Variants in MTUS2 observed in about 807,000 individuals in gnomAD.
The protein encoded by MTUS2 is microtubule-associated tumor suppressor candidate 2.
MTUS2 carries 40 observed loss-of-function variants against 114.1 expected under a neutral mutation model. The observed-to-expected ratio is 0.35, with a 90% confidence interval of 0.27 to 0.46. The LOEUF is 0.46. MTUS2 is among the 20% of genes least tolerant of loss of function. The pLI, the probability that MTUS2 is intolerant of heterozygous loss-of-function variation, is 1.00. For missense variants in MTUS2, 1,679 were observed against 1,705.4 expected (o/e 0.98, Z 0.27); for synonymous variants, 688 against 672.0 (o/e 1.02, Z -0.37).
At chr13:28,952,906 G>C (rs963335999) in intron 2 of MTUS2, among the ~76,000 whole-genome samples, 2 of 152,010 alleles carry the variant, frequency 1.3e-5, no homozygotes, top group African/African-American at 4.8e-5. Flanking sequence ...CATTCTTTTT[G>C]TACTGGTATT....
rs141300314 is a variant in MTUS2, at chr13:29,257,405, T to G, written c.2645-24299T>G. Among the ~76,000 whole-genome samples the G allele has an allele frequency of 3.1e-4, 47 of 152,346 alleles. No individual in the cohort carries two copies. The East Asian group carries it at 8.5e-3, about 28-fold the overall frequency. ...TTCCTAGAATAGTTTCCTGTGGTTT[T>G]GATGCCTGAGCTGGATTTTAATGAA... is the stretch of plus-strand genomic sequence containing the variant. On this transcript the variant is annotated intron_variant, in intron 5 of 15. Transcript: ENST00000612955.
intron 5 of MTUS2, among the ~76,000 whole-genome samples, chr13:29,175,774 C>T (rs199899829): frequency 1.3e-5 from 2 of 149,154 alleles, no homozygotes; most frequent in African/African-American, 2.5e-5. Context: ...AATAGGTTTT[C>T]TTTTTTTTTT....
At chr13:29,389,698 T>C (rs1426512169) in intron 8 of MTUS2, among the ~76,000 whole-genome samples, 6 of 141,874 alleles carry the variant, frequency 4.2e-5, no homozygotes, top group Admixed American at 7.0e-5. Context: ...TATATATGTG[T>C]ATATGTGTAT....
chr13:29,142,974 A>G (rs1892287631), intron 5 of MTUS2, among the ~76,000 whole-genome samples: 1 of 152,348 alleles, frequency 6.6e-6, no homozygotes, highest in South Asian at 2.1e-4. Context: ...TCTGGTTATG[A>G]AATAACAAAC....
intron 7 of MTUS2, 93 bp from the exon 8 acceptor site, chr13:29,359,169 C>A: frequency 8.2e-7 from 1 of 1,216,382 alleles, no homozygotes; most frequent in Non-Finnish European, 1.1e-6. Context: ...TTCTCTACCA[C>A]TTGAAGAACT....
intron 8 of MTUS2, among the ~76,000 whole-genome samples, chr13:29,410,320 T>G (rs2138542696): frequency 6.6e-6 from 1 of 152,278 alleles, no homozygotes; most frequent in African/African-American, 2.4e-5. Flanking sequence ...AGAGATGGGA[T>G]TTCACCATGT....
At chr13:29,385,797 G>A (rs1872594131) in intron 8 of MTUS2, among the ~76,000 whole-genome samples, 1 of 152,152 alleles carries the variant, frequency 6.6e-6, no homozygotes, top group African/African-American at 2.4e-5. Context: ...TTTCTTGTTT[G>A]CCAAAATGGA....
intron 5 of MTUS2, among the ~76,000 whole-genome samples, chr13:29,247,765 G>A (rs1345421293): frequency 1.3e-5 from 2 of 152,196 alleles, no homozygotes; most frequent in Non-Finnish European, 2.9e-5. Flanking sequence ...TGTTAACATG[G>A]ATGTGTGAAA....
chr13:29,000,378 T>G (rs1885328908), intron 2 of MTUS2, among the ~76,000 whole-genome samples: 1 of 152,184 alleles, frequency 6.6e-6, no homozygotes, highest in African/African-American at 2.4e-5. Flanking sequence ...TTCTTTTTTA[T>G]TGAGTTGGAG....
At position 28,992,305 on chromosome 13, in the gene MTUS2, A is replaced by G. The variant is rs1024891240; in HGVS notation, c.-242-32152A>G. ...GGGAAAACAGAAGAAAGACATTGCT[A>G]TTTCAACAAATGTTTTTTCCATGGT... On this transcript the variant is annotated intron_variant, in intron 2 of 15. Transcript: ENST00000612955. Among the ~76,000 whole-genome samples the G allele has an allele frequency of 1.3e-4, 20 of 152,214 alleles. 1 individual carries two copies. Among genetic ancestry groups the G allele is most frequent in the Non-Finnish European group, 1.5e-5 (1 of 68,040 alleles).
intron 5 of MTUS2, among the ~76,000 whole-genome samples, chr13:29,228,129 A>G (rs546368658): frequency 1.3e-5 from 2 of 152,342 alleles, no homozygotes; most frequent in Admixed American, 6.5e-5. Context: ...AATGATATTT[A>G]TGACCACATG....
chr13:28,972,529 T>G (rs1271912150), intron 2 of MTUS2, among the ~76,000 whole-genome samples: 1 of 152,126 alleles, frequency 6.6e-6, no homozygotes, highest in Non-Finnish European at 1.5e-5. Context: ...CAAAACAATC[T>G]TAGTTTCTCA....
intron 4 of MTUS2, among the ~76,000 whole-genome samples, chr13:29,062,191 G>A (rs1306490245): frequency 6.6e-6 from 1 of 152,076 alleles, no homozygotes; most frequent in Non-Finnish European, 1.5e-5. Context: ...TCACCATGTT[G>A]GGCAGGCTGG....
chr13:28,881,027 G>A (rs774465714), intron 2 of MTUS2, among the ~76,000 whole-genome samples: 11 of 152,168 alleles, frequency 7.2e-5, no homozygotes, highest in African/African-American at 2.2e-4. Context: ...GGTTTGTTAC[G>A]TGGATATACT....
At chr13:29,461,853 C>A (rs977721851) in intron 9 of MTUS2, among the ~76,000 whole-genome samples, 4 of 152,172 alleles carry the variant, frequency 2.6e-5, no homozygotes, top group African/African-American at 9.7e-5. Context: ...AGAAGCTTGG[C>A]TAAGGCGCTC....
intron 5 of MTUS2, among the ~76,000 whole-genome samples, chr13:29,156,333 G>A (rs1303506082): frequency 6.6e-6 from 1 of 152,116 alleles, no homozygotes; most frequent in Non-Finnish European, 1.5e-5. Context: ...TCCAAACACT[G>A]CTTTGCTGTG....
At chr13:29,037,579 TCTC>T (rs1454434290) in intron 4 of MTUS2, among the ~76,000 whole-genome samples, 1 of 152,198 alleles carries the variant, frequency 6.6e-6, no homozygotes, top group Non-Finnish European at 1.5e-5. Context: ...TTGGGGAAGT[TCTC>T]CTGGATAATA....
intron 5 of MTUS2, among the ~76,000 whole-genome samples, chr13:29,227,891 A>T (rs1230345598): frequency 2.0e-5 from 3 of 152,228 alleles, no homozygotes; most frequent in Admixed American, 2.0e-4. Context: ...TTAAAGTCTT[A>T]TATGTCTTCC....
At position 29,503,272 on chromosome 13, in the gene MTUS2, G is replaced by T. The variant is rs571746969; in HGVS notation, c.*66G>T. The T allele has an allele frequency of 6.4e-6, 10 of 1,571,536 alleles. No individual in the cohort carries two copies. In the East Asian group the frequency reaches 6.8e-5, roughly 11 times the overall value. ...CCGGTCTCCACCCTGAGGGAGCACCGACCCGGTGCCGCCGGAGCTGGCCCT... is the reference window on the plus strand; with the variant it reads ...CCGGTCTCCACCCTGAGGGAGCACCTACCCGGTGCCGCCGGAGCTGGCCCT... On this transcript the variant is annotated 3_prime_UTR_variant, in exon 16 of 16. Coordinates refer to ENST00000612955, the MANE Select transcript of MTUS2 (RefSeq NM_001033602.4).
Sources: allele counts gnomAD v4.1 joint callset (sites outside exome capture counted in the v4.1 genomes callset), GRCh38; gene constraint gnomAD v4.1.1; transcripts MANE v1.5; gene names NCBI Gene and HGNC (gene_info 2026-07-23, HGNC 2026-07-21).